Variants in ATRNL1 observed in about 807,000 individuals in gnomAD.
ATRNL1 encodes attractin like 1.
A neutral mutation model predicts 182.7 loss-of-function variants in ATRNL1; 95 were observed. The observed-to-expected ratio is 0.52, with a 90% confidence interval of 0.44 to 0.62. The LOEUF is 0.62. Among genes scored for constraint, ATRNL1 ranks in the 20% least tolerant of loss-of-function variants. ATRNL1 has a pLI of 0.00. For missense variants in ATRNL1, 1,471 were observed against 1,679.5 expected (o/e 0.88, Z 2.17); for synonymous variants, 576 against 568.3 (o/e 1.01, Z -0.19).
At chr10:115,821,572 A>C (rs983018070) in intron 27 of ATRNL1, among the ~76,000 whole-genome samples, 7 of 152,212 alleles carry the variant, frequency 4.6e-5, no homozygotes, top group African/African-American at 1.4e-4. Context: ...ACATAGGCTC[A>C]AAATAAAGGG....
At chr10:115,748,932 TA>T (rs1948369507) in intron 27 of ATRNL1, among the ~76,000 whole-genome samples, 1 of 151,988 alleles carries the variant, frequency 6.6e-6, no homozygotes, top group Non-Finnish European at 1.5e-5. Flanking sequence ...GCTTAAATAA[TA>T]TATTTATAAT....
intron 26 of ATRNL1, among the ~76,000 whole-genome samples, chr10:115,601,173 A>C (rs571991177): frequency 1.4e-4 from 22 of 152,060 alleles, no homozygotes; most frequent in Non-Finnish European, 3.2e-4. Context: ...CAAATATTTG[A>C]CATTGTTTCC....
intron 19 of ATRNL1, among the ~76,000 whole-genome samples, chr10:115,335,629 A>G (rs1855446941): frequency 6.6e-6 from 1 of 152,168 alleles, no homozygotes; most frequent in African/African-American, 2.4e-5. Context: ...TAATTCCAAG[A>G]CCTTTCCTGT....
At chr10:115,532,336 G>T (rs1328339101) in intron 25 of ATRNL1, among the ~76,000 whole-genome samples, 1 of 152,036 alleles carries the variant, frequency 6.6e-6, no homozygotes, top group Non-Finnish European at 1.5e-5. Flanking sequence ...CCTTGAAGAG[G>T]TCCTTCACAT....
intron 21 of ATRNL1, among the ~76,000 whole-genome samples, chr10:115,459,513 A>G (rs1847691289): frequency 6.6e-6 from 1 of 152,128 alleles, no homozygotes; most frequent in African/African-American, 2.4e-5. Flanking sequence ...AGTCTCCCAT[A>G]GCGCTCCCAG....
chr10:115,134,408 C>G (rs1392197353), intron 5 of ATRNL1, among the ~76,000 whole-genome samples: 1 of 152,048 alleles, frequency 6.6e-6, no homozygotes, highest in African/African-American at 2.4e-5. Context: ...ACTATAAACA[C>G]CTCTATGCAA....
chr10:115,837,341 G>T (rs1419758835), intron 27 of ATRNL1, among the ~76,000 whole-genome samples: 1 of 151,774 alleles, frequency 6.6e-6, no homozygotes, highest in Non-Finnish European at 1.5e-5. Flanking sequence ...CCTGCAAAAA[G>T]CATCCTCCGT....
chr10:115,803,917 A>G (rs782267053), intron 27 of ATRNL1, among the ~76,000 whole-genome samples: 3 of 152,200 alleles, frequency 2.0e-5, no homozygotes, highest in African/African-American at 2.4e-5. Context: ...CGAGATATCT[A>G]TGGACTACAG....
intron 24 of ATRNL1, among the ~76,000 whole-genome samples, chr10:115,473,307 T>G (rs2134581323): frequency 6.6e-6 from 1 of 151,454 alleles, no homozygotes; most frequent in Non-Finnish European, 1.5e-5. Flanking sequence ...CTGTAATTTT[T>G]CTTTTTTTTC....
intron 28 of ATRNL1, among the ~76,000 whole-genome samples, chr10:115,889,976 A>C (rs1952039969): frequency 6.6e-6 from 1 of 152,150 alleles, no homozygotes; most frequent in African/African-American, 2.4e-5. Flanking sequence ...GTGTGTGTGC[A>C]TTGGGGGAGT....
At chr10:115,301,639 G>C (rs1853474205) in intron 16 of ATRNL1, among the ~76,000 whole-genome samples, 1 of 151,974 alleles carries the variant, frequency 6.6e-6, no homozygotes, top group African/African-American at 2.4e-5. Flanking sequence ...ACTTTGTAAA[G>C]AATTACAAAT....
chr10:115,753,583 C>A (rs559547239), intron 27 of ATRNL1, among the ~76,000 whole-genome samples: 43 of 152,290 alleles, frequency 2.8e-4, no homozygotes, highest in Admixed American at 5.9e-4. Context: ...CACTGATGAG[C>A]ATTTGGGTTG....
At chr10:115,462,139 C>G in intron 22 of ATRNL1, 104 bp downstream of exon 22, 1 of 668,498 alleles carries the variant, frequency 1.5e-6, no homozygotes, top group Non-Finnish European at 2.4e-6. Context: ...ATTGTAGGGC[C>G]TTTGTAGAAA....
intron 7 of ATRNL1, 152 bp downstream of exon 7, chr10:115,165,797 T>C (rs994385506): frequency 1.2e-5 from 5 of 401,358 alleles, no homozygotes; most frequent in Non-Finnish European, 2.2e-5. Context: ...CATACTCTTA[T>C]GCTTTTAGTA....
chr10:115,163,199 A>G (rs1197306789), intron 6 of ATRNL1, among the ~76,000 whole-genome samples: 4 of 151,878 alleles, frequency 2.6e-5, no homozygotes, highest in African/African-American at 7.3e-5. Flanking sequence ...GCAAGGAAGA[A>G]GAATCACTTG....
intron 27 of ATRNL1, among the ~76,000 whole-genome samples, chr10:115,762,245 T>C (rs1948750516): frequency 6.6e-6 from 1 of 152,144 alleles, no homozygotes; most frequent in South Asian, 2.1e-4. Context: ...TATTAATAGA[T>C]ATGTCAGTAA....
intron 26 of ATRNL1, among the ~76,000 whole-genome samples, chr10:115,616,656 C>T (rs782478416): frequency 1.3e-5 from 2 of 152,178 alleles, no homozygotes; most frequent in South Asian, 4.1e-4. Context: ...CACTGCTCCC[C>T]ACATCCTAGT....
At chr10:115,377,465 C>T (rs11197191) in intron 19 of ATRNL1, among the ~76,000 whole-genome samples, 5,116 of 152,210 alleles carry the variant, frequency 0.034, 276 homozygotes, top group African/African-American at 0.11. Context: ...TGAAAATGGA[C>T]TAATACGGTT....
At chr10:115,715,342 G>A (rs1223468410) in intron 26 of ATRNL1, among the ~76,000 whole-genome samples, 2 of 152,070 alleles carry the variant, frequency 1.3e-5, no homozygotes, top group Non-Finnish European at 2.9e-5. Context: ...AACTTCTTGG[G>A]TATCATATAC....
Sources: allele counts gnomAD v4.1 joint callset (sites outside exome capture counted in the v4.1 genomes callset), GRCh38; gene constraint gnomAD v4.1.1; transcripts MANE v1.5; gene names NCBI Gene and HGNC (gene_info 2026-07-23, HGNC 2026-07-21).